Variants in METTL6 observed in about 807,000 individuals in gnomAD.
METTL6 encodes tRNA N(3)-cytidine methyltransferase METTL6.
METTL6 carries 22 observed loss-of-function variants against 26.4 expected under a neutral mutation model. The ratio of observed to expected loss-of-function variants is 0.83; its 90% CI spans 0.59 to 1.19. The LOEUF (loss-of-function observed/expected upper bound fraction) is 1.19. Among genes scored for constraint, METTL6 ranks in the 50% most tolerant of loss-of-function variants. METTL6 has a pLI of 0.00. For synonymous variants in METTL6, 109 were observed against 116.2 expected, an observed-to-expected ratio of 0.94 and a Z score of 0.40; for missense variants, 304 against 324.8, an observed-to-expected ratio of 0.94 and a Z score of 0.49.
intron 4 of METTL6, chr3:15,414,961 T>G: frequency 1.8e-6 from 2 of 1,117,514 alleles, no homozygotes; most frequent in Non-Finnish European, 2.2e-6. Context: ...TAAATGAAAG[T>G]GTTATCCTCA....
intron 6 of METTL6, among the ~76,000 whole-genome samples, chr3:15,403,865 T>TATTC (rs1322736879): frequency 2.0e-5 from 3 of 152,186 alleles, no homozygotes; most frequent in African/African-American, 7.2e-5. Flanking sequence ...AGGGGTGGAT[T>TATTC]ATTCATGCCT....
chr3:15,401,342 T>C (rs954855772), intron 6 of METTL6, among the ~76,000 whole-genome samples: 4 of 150,826 alleles, frequency 2.7e-5, no homozygotes, highest in African/African-American at 9.7e-5. Flanking sequence ...CCCAGCCCAG[T>C]TTTGTATTTT....
chr3:15,413,530 C>G (rs749534968), intron 5 of METTL6: 1 of 692,172 alleles, frequency 1.4e-6, no homozygotes, highest in African/African-American at 1.9e-5. Context: ...CAAGATCACA[C>G]CACTGCACTC....
chr3:15,408,315 T>C (rs183591761), downstream of METTL6, among the ~76,000 whole-genome samples: 239 of 152,250 alleles, frequency 1.6e-3, no homozygotes, highest in African/African-American at 5.6e-3. Context: ...TACTTATGAT[T>C]TGTGCACTTT....
chr3:15,412,735 C>T (rs1047207507), intron 5 of METTL6, among the ~76,000 whole-genome samples: 3 of 151,974 alleles, frequency 2.0e-5, no homozygotes, highest in African/African-American at 7.2e-5. Flanking sequence ...AGTGATCCTT[C>T]TATCTCAGTC....
At chr3:15,400,731 T>C (rs1034931990) in intron 6 of METTL6, among the ~76,000 whole-genome samples, 2 of 152,160 alleles carry the variant, frequency 1.3e-5, no homozygotes, top group Non-Finnish European at 2.9e-5. Context: ...TTCAGAAAAG[T>C]ATAAAGAAGA....
intron 6 of METTL6, among the ~76,000 whole-genome samples, chr3:15,398,187 C>T (rs1699543798): frequency 6.7e-6 from 1 of 149,196 alleles, no homozygotes; most frequent in Non-Finnish European, 1.5e-5. Context: ...CTCTCCACTG[C>T]AATGCTGAGA....
At chr3:15,392,724 G>A (rs925577941) in intron 6 of METTL6, among the ~76,000 whole-genome samples, 4 of 152,290 alleles carry the variant, frequency 2.6e-5, no homozygotes, top group African/African-American at 7.2e-5. Context: ...TGGCTAGCCA[G>A]TTTTCCCAGC....
In METTL6 at chr3:15,418,443, G is replaced by A. The variant is rs191674355; in HGVS notation, c.361-2501C>T. ...TTCTCAACAAAACAGGTACTGCCTA[G>A]GAAACAGTCAGTGAACTTGATGATA... On this transcript the variant is annotated intron_variant, in intron 3 of 5. Transcript: ENST00000383790. Among the ~76,000 whole-genome samples, 621 of 152,196 alleles carry A rather than the reference G, an allele frequency of 4.1e-3. 3 individuals carry two copies. The highest frequency in any genetic ancestry group is 0.01 in the Middle Eastern group (3 of 294).
chr3:15,412,474 A>AT (rs138709560), intron 5 of METTL6, among the ~76,000 whole-genome samples: 15,602 of 151,606 alleles, frequency 0.1, 842 homozygotes, highest in East Asian at 0.19. Context: ...ATAATTTTGC[A>AT]TTTTGTTTTG....
intron 6 of METTL6, among the ~76,000 whole-genome samples, chr3:15,389,036 T>A (rs531982292): frequency 5.1e-4 from 78 of 152,208 alleles, no homozygotes; most frequent in African/African-American, 1.4e-3. Flanking sequence ...ATTTTTTTTT[T>A]ATAGAGATGG....
At chr3:15,395,727 T>TG (rs764254551) in intron 6 of METTL6, among the ~76,000 whole-genome samples, 2 of 151,618 alleles carry the variant, frequency 1.3e-5, no homozygotes, top group Non-Finnish European at 3.0e-5. Flanking sequence ...TTTGCTTGTC[T>TG]GTATTTTATT....
intron 5 of METTL6, among the ~76,000 whole-genome samples, chr3:15,412,472 G>T (rs1700008272): frequency 6.7e-6 from 1 of 149,472 alleles, no homozygotes. Flanking sequence ...TGATAATTTT[G>T]CATTTTGTTT....
intron 3 of METTL6, among the ~76,000 whole-genome samples, chr3:15,421,080 T>C (rs748399559): frequency 9.2e-5 from 14 of 152,066 alleles, no homozygotes; most frequent in African/African-American, 2.9e-4. Flanking sequence ...GAAGAACGGG[T>C]GGAAGGAAGG....
chr3:15,385,470 C>T (rs543200027), intron 6 of METTL6, among the ~76,000 whole-genome samples: 13 of 152,122 alleles, frequency 8.5e-5, no homozygotes, highest in African/African-American at 2.4e-4. Flanking sequence ...TGGTGGTGCA[C>T]GCCTGTAATT....
At chr3:15,384,369 C>T in intron 6 of METTL6, 1 of 179,938 alleles carries the variant, frequency 5.6e-6, no homozygotes, top group South Asian at 9.0e-5. Context: ...AGAAAAGCTC[C>T]TAATAAAGAT....
At chr3:15,419,471 T>C (rs2061561147) in intron 3 of METTL6, among the ~76,000 whole-genome samples, 2 of 152,206 alleles carry the variant, frequency 1.3e-5, no homozygotes, top group South Asian at 4.1e-4. Flanking sequence ...AGCTAACTAT[T>C]GCTATCAACC....
intron 6 of METTL6, among the ~76,000 whole-genome samples, chr3:15,397,733 C>A (rs1402579630): frequency 6.6e-6 from 1 of 152,142 alleles, no homozygotes; most frequent in Non-Finnish European, 1.5e-5. Flanking sequence ...TAATTAGAGA[C>A]CACTGGGCTA....
intron 3 of METTL6, among the ~76,000 whole-genome samples, chr3:15,420,522 T>C (rs924445151): frequency 2.0e-5 from 3 of 152,236 alleles, no homozygotes; most frequent in African/African-American, 7.2e-5. Context: ...ATTACATTTG[T>C]ACTGCGTCAG....
Sources: gnomAD v4.1 joint callset for allele counts (sites outside exome capture counted in the v4.1 genomes callset) on GRCh38, gnomAD v4.1.1 for gene constraint, MANE v1.5 for transcripts, NCBI Gene and HGNC (gene_info 2026-07-23, HGNC 2026-07-21) for gene names.